The following PCDHGA1 variants were observed in gnomAD, a reference collection of about 807,000 sequenced individuals.
PCDHGA1 encodes the protein protocadherin gamma-A1.
In PCDHGA1, 32 loss-of-function variants were observed where a neutral mutation model predicts 58.0. The observed-to-expected ratio is 0.55, with a 90% CI of 0.42 to 0.74. The LOEUF is 0.74. PCDHGA1 is among the 30% of genes least tolerant of loss of function. The pLI is 0.00. For missense variants in PCDHGA1, 1,205 were observed against 1,182.3 expected, an observed-to-expected ratio of 1.02 and a Z score of -0.28; for synonymous variants, 498 against 501.1, an observed-to-expected ratio of 0.99 and a Z score of 0.08.
chr5:141,415,755 T>G (rs753465209), intron 1 of PCDHGA1: 41 of 1,387,576 alleles, frequency 3.0e-5, no homozygotes, highest in Middle Eastern at 2.6e-4. Flanking sequence ...TTTTTTTTTT[T>G]TTTTTTTTTT....
In PCDHGA1 at chr5:141,487,917, CTACAGTGCACAGGG is replaced by C; in HGVS notation, c.2422-6879_2422-6866del. On this transcript the variant is annotated intron_variant, in intron 1 of 3. Coordinates refer to ENST00000517417, the MANE Select transcript of PCDHGA1 (RefSeq NM_018912.3). The surrounding 1 kb of genome is among the most constrained non-coding windows in gnomAD (Gnocchi z 5.0). ...TGATGGAATGTGGGAGCACAGGAGG[CTACAGTGCACAGGG>C]TACAGTGCACCAGGCAGTCACTTGG... 1 of 647,994 alleles carries C rather than the reference CTACAGTGCACAGGG, an allele frequency of 1.5e-6. No homozygotes were observed. The highest frequency in any genetic ancestry group is 2.7e-6 in the Non-Finnish European group (1 of 377,182). 40.1% of individuals were successfully genotyped at this position (647,994 alleles called of 1,614,324 possible).
intron 1 of PCDHGA1, among the ~76,000 whole-genome samples, chr5:141,335,616 G>A (rs938321820): frequency 1.3e-5 from 2 of 152,140 alleles, no homozygotes; most frequent in Non-Finnish European, 2.9e-5. Flanking sequence ...ACATAATTTA[G>A]AAGCTTGATC....
At chr5:141,413,215 T>C in intron 1 of PCDHGA1, 1 of 1,613,350 alleles carries the variant, frequency 6.2e-7, no homozygotes, top group Non-Finnish European at 8.5e-7. Context: ...ATCAAAGGAT[T>C]GCAGCGGGCT....
chr5:141,431,527 C>T lies in PCDHGA1; in HGVS notation c.2422-63280C>T. The T allele has an allele frequency of 1.2e-6, 2 of 1,614,086 alleles. No homozygotes were observed. The highest frequency in any genetic ancestry group is 2.2e-5 in the East Asian group (1 of 44,888). ...GCGCGAGCGTTCCGGAGAATCTGGC[C>T]TTGGGCACGCAGCTGCTTGTAGTCA... On this transcript the variant is annotated intron_variant, in intron 1 of 3. Coordinates refer to ENST00000517417, the MANE Select transcript of PCDHGA1 (RefSeq NM_018912.3). This position sits in a 1 kb window ranked among gnomAD's most constrained non-coding sequence, Gnocchi z 4.8.
intron 1 of PCDHGA1, chr5:141,360,309 C>A: frequency 6.2e-7 from 1 of 1,613,980 alleles, no homozygotes; most frequent in Non-Finnish European, 8.5e-7. Flanking sequence ...GGCTCAGCGT[C>A]CGGGACTTGC....
In PCDHGA1 at chr5:141,487,574, C is replaced by T. The variant is rs753979217; in HGVS notation, c.2422-7233C>T. ...TGCACCTATGGCAGGGGAGCCTGTTCGCCCAAGCTGCCCACCCTCTGATCT... is the reference window on the plus strand; with the variant it reads ...TGCACCTATGGCAGGGGAGCCTGTTTGCCCAAGCTGCCCACCCTCTGATCT... On this transcript the variant is annotated intron_variant, in intron 1 of 3. Transcript: ENST00000517417. This position sits in a 1 kb window ranked among gnomAD's most constrained non-coding sequence, Gnocchi z 5.0. 1.2e-5 allele frequency: 20 copies of T among 1,614,040 alleles called. 1 individual carries two copies. The highest frequency in any genetic ancestry group is 8.9e-5 in the East Asian group (4 of 44,870).
intron 1 of PCDHGA1, among the ~76,000 whole-genome samples, chr5:141,458,227 G>T (rs2154566190): frequency 6.6e-6 from 1 of 152,284 alleles, no homozygotes; most frequent in South Asian, 2.1e-4. Context: ...TCCTTTCCCA[G>T]TCCATGCACC....
intron 1 of PCDHGA1, chr5:141,352,334 T>A: frequency 6.2e-7 from 1 of 1,614,084 alleles, no homozygotes; most frequent in Non-Finnish European, 8.5e-7. Flanking sequence ...GGTTGTGGCC[T>A]TGGCCTTGAT....
At chr5:141,373,460 C>G (rs919686552) in intron 1 of PCDHGA1, among the ~76,000 whole-genome samples, 2 of 152,198 alleles carry the variant, frequency 1.3e-5, no homozygotes, top group African/African-American at 4.8e-5. Flanking sequence ...GAGGTAGCAG[C>G]TGCAATGAGC....
At chr5:141,404,769 A>C (rs528627644) in intron 1 of PCDHGA1, 1 of 1,611,124 alleles carries the variant, frequency 6.2e-7, no homozygotes, top group South Asian at 1.1e-5. Context: ...TGGCTCTCCT[A>C]CCGCCTATTC....
At chr5:141,408,055 C>CCGG in intron 1 of PCDHGA1, 1 of 1,299,130 alleles carries the variant, frequency 7.7e-7, no homozygotes, top group South Asian at 1.6e-5. Flanking sequence ...ACAGAGCCTC[C>CCGG]CGGCTGCGCA....
At position 141,447,140 on chromosome 5, in the gene PCDHGA1, T is replaced by C. The variant is rs770212881; in HGVS notation, c.2422-47667T>C. ...ATGGATTTTTTTGTTTGTTTGTTTT[T>C]TGTTTTTGTTTTTGTTTAAGCGGGG... On this transcript the variant is annotated intron_variant, in intron 1 of 3. Coordinates refer to ENST00000517417, the MANE Select transcript of PCDHGA1 (RefSeq NM_018912.3). Among the ~76,000 whole-genome samples the C allele has an allele frequency of 6.6e-5, 10 of 152,158 alleles. 1 individual carries two copies. Among genetic ancestry groups the C allele is most frequent in the Non-Finnish European group, 1.2e-4 (8 of 68,042 alleles).
At chr5:141,446,202 G>T (rs780900822) in intron 1 of PCDHGA1, among the ~76,000 whole-genome samples, 13 of 152,094 alleles carry the variant, frequency 8.5e-5, no homozygotes, top group Non-Finnish European at 1.8e-4. Context: ...ATATTCCTAG[G>T]TGTCTGAAAA....
In PCDHGA1 at chr5:141,491,803, C is replaced by T. The variant is rs2099730932; in HGVS notation, c.2422-3004C>T. ...CTTGCATCCACTCCTCTCCGGCCGG[C>T]TTGGTCGCTGGCTGCGCTCCACCCG... On this transcript the variant is annotated intron_variant, in intron 1 of 3. Transcript: ENST00000517417. This position sits in a 1 kb window ranked among gnomAD's most constrained non-coding sequence, Gnocchi z 6.9. 1 of 1,497,820 alleles carries T rather than the reference C, an allele frequency of 6.7e-7. No individual in the cohort carries two copies. Among genetic ancestry groups the T allele is most frequent in the Non-Finnish European group, 8.9e-7 (1 of 1,124,124 alleles). 92.8% of individuals were successfully genotyped at this position (1,497,820 alleles called of 1,614,324 possible).
chr5:141,414,556 T>G, intron 1 of PCDHGA1: 2 of 1,613,990 alleles, frequency 1.2e-6, no homozygotes, highest in Non-Finnish European at 1.7e-6. Flanking sequence ...TCAAGTCTCC[T>G]ACTTTACCTA....
rs774745752 is a variant in PCDHGA1, at chr5:141,360,510, T to G, written c.2421+27405T>G. ...TCTACATAGCAGTAATTGTGCAGGATATAAATGATAATACCCCGCTATTCA... is the reference window on the plus strand; with the variant it reads ...TCTACATAGCAGTAATTGTGCAGGAGATAAATGATAATACCCCGCTATTCA... On this transcript the variant is annotated intron_variant, in intron 1 of 3. Transcript: ENST00000517417. 3 of 1,613,972 alleles carry G rather than the reference T, an allele frequency of 1.9e-6. No individual in the cohort carries two copies. The South Asian group carries it at 3.3e-5, about 18-fold the overall frequency.
intron 1 of PCDHGA1, among the ~76,000 whole-genome samples, chr5:141,443,202 C>T (rs546748238): frequency 2.6e-5 from 4 of 152,172 alleles, no homozygotes; most frequent in Non-Finnish European, 1.5e-5. Flanking sequence ...GTACAAAGAG[C>T]TTGTCTCGCC....
intron 1 of PCDHGA1, among the ~76,000 whole-genome samples, chr5:141,438,039 C>T (rs1373700448): frequency 6.6e-6 from 1 of 152,024 alleles, no homozygotes; most frequent in Non-Finnish European, 1.5e-5. Flanking sequence ...CCATGCCCGA[C>T]CACTTTGAGT....
At chr5:141,430,873 G>T in intron 1 of PCDHGA1, 5 of 1,598,960 alleles carry the variant, frequency 3.1e-6, no homozygotes, top group Non-Finnish European at 4.3e-6. Flanking sequence ...TTCCGGAAGA[G>T]CTGGAGAAAG....
Sources: gnomAD v4.1 joint callset for allele counts (sites outside exome capture counted in the v4.1 genomes callset) on GRCh38, gnomAD v4.1.1 for gene constraint, Gnocchi (gnomAD v3.1) non-coding constraint, MANE v1.5 for transcripts, NCBI Gene and HGNC (gene_info 2026-07-23, HGNC 2026-07-21) for gene names.